SLC15A2: variants seen among roughly 807,000 people sequenced by gnomAD.
The protein encoded by SLC15A2 is solute carrier family 15 member 2, also known as kidney H(+)/peptide cotransporter.
SLC15A2 carries 77 observed loss-of-function variants against 95.5 expected under a neutral mutation model. The observed-to-expected ratio is 0.81, with a 90% CI of 0.67 to 0.97. The LOEUF (loss-of-function observed/expected upper bound fraction) is 0.97, where lower values mean the gene tolerates loss of function less well. Ranked by LOEUF, SLC15A2 falls within the 50% of genes least tolerant of loss-of-function variation. The probability of loss-of-function intolerance (pLI) is 0.00; values close to 1 mark genes in which losing one functional copy is unlikely to be tolerated. For missense variants in SLC15A2, 893 were observed against 874.4 expected (o/e 1.02, Z -0.27); for synonymous variants, 306 against 306.9 (o/e 1.00, Z 0.03).
At chr3:121,924,432 T>C (rs1710071309) in intron 12 of SLC15A2, 49 bp downstream of exon 12, 1 of 1,438,536 alleles carries the variant, frequency 7.0e-7, no homozygotes. Context: ...TCCTTATCTA[T>C]GCCTCCACCT....
intron 7 of SLC15A2, among the ~76,000 whole-genome samples, chr3:121,919,019 C>T (rs1056284959): frequency 1.3e-5 from 2 of 152,106 alleles, no homozygotes; most frequent in African/African-American, 2.4e-5. Context: ...GTGTTGGGTG[C>T]GGCATCTAGA....
chr3:121,905,801 G>T (rs1259913314), intron 3 of SLC15A2, among the ~76,000 whole-genome samples: 2 of 152,168 alleles, frequency 1.3e-5, no homozygotes, highest in African/African-American at 4.8e-5. Flanking sequence ...GTGTGATGTG[G>T]TACTGAGAAG....
intron 1 of SLC15A2, chr3:121,895,416 A>C (rs1709397966): frequency 6.6e-6 from 1 of 152,228 alleles, no homozygotes; most frequent in South Asian, 2.1e-4. Flanking sequence ...AGCTATTATA[A>C]AACATTAAAA....
intron 7 of SLC15A2, among the ~76,000 whole-genome samples, chr3:121,917,277 A>G (rs1306057510): frequency 1.3e-5 from 2 of 152,256 alleles, no homozygotes; most frequent in Non-Finnish European, 2.9e-5. Flanking sequence ...AGGGAAAGGA[A>G]GACAAACAAA....
At chr3:121,932,035 G>T (rs1333170964) in intron 19 of SLC15A2, among the ~76,000 whole-genome samples, 1 of 152,058 alleles carries the variant, frequency 6.6e-6, no homozygotes, top group Non-Finnish European at 1.5e-5. Flanking sequence ...CGAGTATCTG[G>T]GATTACAGGC....
In SLC15A2 at chr3:121,910,192, C is replaced by CTT. The variant is rs35492489; in HGVS notation, c.336-1362_336-1361dup. 4.9e-3 allele frequency among the ~76,000 whole-genome samples: 626 copies of CTT among 126,916 alleles called. 22 individuals carry two copies. Among genetic ancestry groups the CTT allele is most frequent in the Middle Eastern group, 0.014 (3 of 216 alleles). The allele number at this position is 126,916 out of a possible 152,430, so 83.3% of individuals were successfully genotyped here. A position where few individuals can be genotyped will look rare whatever the true frequency, so the allele number is the denominator to read the frequency against. ...AATTAGTCCTAGATTAGTCACCTAA[C>CTT]TTTTTTTTTTTTTTTTTTTTTGAGA... On this transcript the variant is annotated intron_variant, in intron 3 of 21. Transcript: ENST00000489711.
intron 3 of SLC15A2, among the ~76,000 whole-genome samples, chr3:121,910,776 A>G (rs1709750783): frequency 1.3e-5 from 2 of 152,188 alleles, no homozygotes; most frequent in Admixed American, 1.3e-4. Context: ...TAAGGAATAT[A>G]TGTTGTAGTG....
At chr3:121,902,335 AT>A (rs1320903039) in intron 3 of SLC15A2, among the ~76,000 whole-genome samples, 5 of 151,756 alleles carry the variant, frequency 3.3e-5, no homozygotes, top group South Asian at 4.2e-4. Context: ...CGTGTTTATT[AT>A]TTTTTTATTT....
At chr3:121,919,343 G>A (rs1370569958) in intron 7 of SLC15A2, among the ~76,000 whole-genome samples, 1 of 152,174 alleles carries the variant, frequency 6.6e-6, no homozygotes, top group Non-Finnish European at 1.5e-5. Context: ...GAAGAGGAAT[G>A]GGGTGTGTGG....
intron 1 of SLC15A2, among the ~76,000 whole-genome samples, chr3:121,895,040 G>C (rs771399723): frequency 6.6e-6 from 1 of 152,216 alleles, no homozygotes; most frequent in Non-Finnish European, 1.5e-5. Flanking sequence ...TACTGTGGGA[G>C]ATAGGACAGA....
intron 3 of SLC15A2, among the ~76,000 whole-genome samples, chr3:121,903,074 T>C (rs909925828): frequency 2.6e-5 from 4 of 152,254 alleles, no homozygotes; most frequent in Non-Finnish European, 5.9e-5. Context: ...TATCTCATTG[T>C]GGTTTTGATT....
intron 19 of SLC15A2, among the ~76,000 whole-genome samples, chr3:121,938,583 C>G (rs796990933): frequency 6.6e-6 from 1 of 151,588 alleles, no homozygotes; most frequent in South Asian, 2.1e-4. Flanking sequence ...CCTGACCCCT[C>G]GCACTTCCCG....
In SLC15A2 at chr3:121,894,498, G is replaced by A; in HGVS notation, c.22G>A (p.Glu8Lys). 6.2e-7 allele frequency: 1 copy of A among 1,613,002 alleles called. No homozygotes were observed. The highest frequency in any genetic ancestry group is 8.5e-7 in the Non-Finnish European group (1 of 1,179,442). Residue 8 changes from glutamate (E) to lysine (K), a missense_variant, in exon 1 of 22, where the codon GAG (glutamate) becomes AAG (lysine). Glu to Lys is a moderately conservative substitution (Grantham distance 56, BLOSUM62 1). Coordinates refer to ENST00000489711, the MANE Select transcript of SLC15A2 (RefSeq NM_021082.4). ...AGCCATGAATCCTTTCCAGAAAAAT[G>A]AGTCCAAGGAAACTCTTTTTTCACC... MNPFQKNESKETLFSPVS... is the reference protein window; with the variant it reads MNPFQKNKSKETLFSPVS...
intron 5 of SLC15A2, among the ~76,000 whole-genome samples, chr3:121,914,318 GC>G (rs1709835417): frequency 6.6e-6 from 1 of 152,196 alleles, no homozygotes; most frequent in African/African-American, 2.4e-5. Flanking sequence ...TCAGAATGAA[GC>G]ATGTCGGTGT....
chr3:121,906,907 G>A (rs1041427339), intron 3 of SLC15A2, among the ~76,000 whole-genome samples: 12 of 152,136 alleles, frequency 7.9e-5, no homozygotes, highest in African/African-American at 2.2e-4. Flanking sequence ...GCCTTGCTAG[G>A]TTGGGGAAGT....
At chr3:121,923,342 T>G in intron 11 of SLC15A2, 76 bp downstream of exon 11, 1 of 1,435,570 alleles carries the variant, frequency 7.0e-7, no homozygotes, top group South Asian at 1.2e-5. Context: ...AATTTCTTTG[T>G]GATTTTGCCT....
rs67563324 is a variant in SLC15A2 at position 121,925,726 on chromosome 3, CTATATATATATATATATATATA to C, written c.1124+728_1124+749del. Among the ~76,000 whole-genome samples the C allele has an allele frequency of 9.0e-3, 303 of 33,830 alleles. 8 individuals are homozygous for C. The highest frequency in any genetic ancestry group is 0.035 in the South Asian group (21 of 602). The allele number at this position is 33,830 out of a possible 152,430, so 22.2% of individuals were successfully genotyped here. On this transcript the variant is annotated intron_variant, in intron 13 of 21. Coordinates refer to ENST00000489711, the MANE Select transcript of SLC15A2 (RefSeq NM_021082.4). ...TTTATTACTTAGTAAAGGGGCTAGA[CTATATATATATATATATATATA>C]TATATATATATATATATATATATAT...
chr3:121,937,396 G>A (rs1433880918), intron 19 of SLC15A2, among the ~76,000 whole-genome samples: 1 of 117,330 alleles, frequency 8.5e-6, no homozygotes. Context: ...TCACTTTCAG[G>A]TACACCAATC....
In SLC15A2 at chr3:121,924,922, T is replaced by A. The variant is rs770266725; in HGVS notation, c.1036-23T>A. 1.1e-5 allele frequency: 16 copies of A among 1,522,466 alleles called. No homozygotes were observed. The South Asian group carries it at 1.8e-4, about 17-fold the overall frequency. The allele number at this position is 1,522,466 out of a possible 1,614,324, so 94.3% of individuals were successfully genotyped here. ...ATGATAGGAGAATATTTGTAGCTAA[T>A]CCTTTTTATCATGGTGTTACAGGTT... On this transcript the variant is annotated intron_variant, in intron 12 of 21. Coordinates refer to ENST00000489711, the MANE Select transcript of SLC15A2 (RefSeq NM_021082.4).
Sources: allele counts gnomAD v4.1 joint callset (sites outside exome capture counted in the v4.1 genomes callset), GRCh38; gene constraint gnomAD v4.1.1; transcripts MANE v1.5; gene names NCBI Gene and HGNC (gene_info 2026-07-23, HGNC 2026-07-21).